Variants in KCNAB2 observed in about 807,000 individuals in gnomAD.
The protein encoded by KCNAB2 is potassium voltage-gated channel subfamily A regulatory beta subunit 2.
Under a neutral mutation model 63.6 loss-of-function variants are expected in KCNAB2, and 29 were observed. The ratio of observed to expected loss-of-function variants is 0.46; its 90% CI spans 0.34 to 0.62. The LOEUF (loss-of-function observed/expected upper bound fraction) is 0.62, where lower values mean the gene tolerates loss of function less well. Ranked by LOEUF, KCNAB2 falls within the 20% of genes least tolerant of loss-of-function variation. The pLI, the probability that KCNAB2 is intolerant of heterozygous loss-of-function variation, is 0.01. For synonymous variants in KCNAB2, 222 were observed against 224.2 expected, an observed-to-expected ratio of 0.99 and a Z score of 0.09; for missense variants, 359 against 563.9, an observed-to-expected ratio of 0.64 and a Z score of 3.68.
At position 6,028,595 on chromosome 1, in the gene KCNAB2, C is replaced by T. The variant is rs971466255; in HGVS notation, c.-52-11922C>T. 1.3e-5 allele frequency among the ~76,000 whole-genome samples: 2 copies of T among 152,212 alleles called. No homozygotes were observed. The highest frequency in any genetic ancestry group is 6.5e-5 in the Admixed American group (1 of 15,286). On this transcript the variant is annotated intron_variant, in intron 1 of 16. Transcript: ENST00000341524. The surrounding 1 kb of genome is among the most constrained non-coding windows in gnomAD (Gnocchi z 4.0). ...CTAGGCATTACCACATGCTGGTGGCCGCTCTGGGTGCGGGGGTACATCCGT... is the reference window on the plus strand; with the variant it reads ...CTAGGCATTACCACATGCTGGTGGCTGCTCTGGGTGCGGGGGTACATCCGT...
chr1:6,095,747 G>T, intron 13 of KCNAB2, 123 bp downstream of exon 13: 1 of 873,898 alleles, frequency 1.1e-6, no homozygotes, highest in Non-Finnish European at 1.8e-6. Flanking sequence ...TTCCCACCTC[G>T]GTCTGCTGGG....
intron 14 of KCNAB2, 43 bp from the exon 15 acceptor site, chr1:6,097,226 T>C (rs1665717623): frequency 1.3e-6 from 2 of 1,506,592 alleles, no homozygotes; most frequent in African/African-American, 1.4e-5. Context: ...CAGGGGCCCC[T>C]GTGGTGGGTG....
intron 2 of KCNAB2, among the ~76,000 whole-genome samples, chr1:6,057,218 T>C (rs1488641225): frequency 1.3e-5 from 2 of 151,720 alleles, no homozygotes; most frequent in East Asian, 3.9e-4. Flanking sequence ...CACTGACCCT[T>C]GGTCATGAAC....
upstream of KCNAB2, among the ~76,000 whole-genome samples, chr1:6,030,222 A>G (rs1659486996): frequency 6.6e-6 from 1 of 152,194 alleles, no homozygotes; most frequent in South Asian, 2.1e-4. Context: ...TTTATCATGC[A>G]CTCATGGAGC....
upstream of KCNAB2, among the ~76,000 whole-genome samples, chr1:6,030,323 TC>T (rs745387950): frequency 6.6e-6 from 1 of 152,138 alleles, no homozygotes; most frequent in African/African-American, 2.4e-5. Context: ...GGCGTGCCTG[TC>T]CCATGATCAT....
rs1354542077 is a variant in KCNAB2 at position 6,078,750 on chromosome 1, A to G, written c.301-3445A>G. Among the ~76,000 whole-genome samples the G allele has an allele frequency of 2.6e-5, 4 of 152,186 alleles. No individual in the cohort carries two copies. Among genetic ancestry groups the G allele is most frequent in the Non-Finnish European group, 4.4e-5 (3 of 68,032 alleles). ...GCTGCTGCACTGGGAATGGCGAGTC[A>G]TGAGGATGTCCCAGAGTTCAGCGTG... is the stretch of plus-strand genomic sequence containing the variant. On this transcript the variant is annotated intron_variant, in intron 4 of 15. Coordinates refer to ENST00000378083, the MANE Select transcript of KCNAB2 (RefSeq NM_001199862.2). This position sits in a 1 kb window ranked among gnomAD's most constrained non-coding sequence, Gnocchi z 4.2.
At chr1:6,089,754 G>T (rs1362716006) in intron 8 of KCNAB2, among the ~76,000 whole-genome samples, 2 of 152,234 alleles carry the variant, frequency 1.3e-5, no homozygotes, top group African/African-American at 4.8e-5. Context: ...CTGGAGTGCA[G>T]CGGCACGATC....
At position 6,072,167 on chromosome 1, in the gene KCNAB2, G is replaced by A. The variant is rs114971034; in HGVS notation, c.219-588G>A. ...AGCTGTGCTTGGTTAGGAGGCCTAC[G>A]CTGCCAGGCTCTGCCGCTGCTGTTG... is the stretch of plus-strand genomic sequence containing the variant. On this transcript the variant is annotated intron_variant, in intron 2 of 15. Coordinates refer to ENST00000378083, the MANE Select transcript of KCNAB2 (RefSeq NM_001199862.2). 8.9e-3 allele frequency among the ~76,000 whole-genome samples: 1,359 copies of A among 152,316 alleles called. 24 individuals carry two copies. The highest frequency in any genetic ancestry group is 0.031 in the African/African-American group (1,297 of 41,572).
chr1:6,087,196 C>T lies in KCNAB2; in HGVS notation c.426-271C>T, dbSNP rs995648987. On this transcript the variant is annotated intron_variant, in intron 6 of 15. Coordinates refer to ENST00000378083, the MANE Select transcript of KCNAB2 (RefSeq NM_001199862.2). This position sits in a 1 kb window ranked among gnomAD's most constrained non-coding sequence, Gnocchi z 6.4. ...GGCGGAAGGCATCTCCTCCGGACTCCGGTCACACTAGGCCCCCCACTGTCC... is the reference window on the plus strand; with the variant it reads ...GGCGGAAGGCATCTCCTCCGGACTCTGGTCACACTAGGCCCCCCACTGTCC... 1.1e-4 allele frequency among the ~76,000 whole-genome samples: 16 copies of T among 152,266 alleles called. No individual in the cohort carries two copies. The highest frequency in any genetic ancestry group is 1.3e-4 in the Admixed American group (2 of 15,300).
chr1:6,082,272 C>G lies in KCNAB2; in HGVS notation c.378C>G (p.Gly126=). 6.2e-7 allele frequency: 1 copy of G among 1,611,078 alleles called. No individual in the cohort carries two copies. The highest frequency in any genetic ancestry group is 8.5e-7 in the Non-Finnish European group (1 of 1,178,118). Residue 126 remains glycine, a splice_region_variant and synonymous_variant, in exon 5 of 16, where the codon GGC becomes GGG. Transcript: ENST00000378083. ...LFDTAEVYAA[G]KAEVVLGNII... is the part of the protein sequence containing the mutation. ...ATACAGCAGAAGTCTACGCAGCCGG[C>G]AAGTACGTGTCTTTTCACACGGGAA...
intron 2 of KCNAB2, among the ~76,000 whole-genome samples, chr1:6,053,301 C>T (rs1205549073): frequency 1.3e-5 from 2 of 152,082 alleles, no homozygotes; most frequent in Non-Finnish European, 2.9e-5. Flanking sequence ...TGCTTGGCAC[C>T]AGGCGCTGAG....
chr1:6,027,233 TGTGTGTGTGTG>T (rs1659256004), intron 1 of KCNAB2: 1 of 16,028 alleles, frequency 6.2e-5, no homozygotes, highest in Non-Finnish European at 1.6e-4. Flanking sequence ...TGTGTGTGTG[TGTGTGTGTGTG>T]TGTGTGTGTG....
At position 6,052,640 on chromosome 1, in the gene KCNAB2, T is replaced by C. The variant is rs534186988; in HGVS notation, c.218+886T>C. ...TCGGACAGCGCTCTGCTAGCCACCG[T>C]TCTCTGGCTGGTGTAAATCCCTCTC... is the stretch of plus-strand genomic sequence containing the variant. On this transcript the variant is annotated intron_variant, in intron 2 of 15. Transcript: ENST00000378083. Among the ~76,000 whole-genome samples the C allele has an allele frequency of 3.9e-5, 6 of 152,270 alleles. No homozygotes were observed. In the East Asian group the frequency reaches 1.2e-3, roughly 29 times the overall value.
chr1:6,076,965 C>T (rs1663720637), intron 4 of KCNAB2, among the ~76,000 whole-genome samples: 1 of 152,098 alleles, frequency 6.6e-6, no homozygotes, highest in African/African-American at 2.4e-5. Context: ...GCGGGTGGAT[C>T]ACAAGGATAG....
chr1:6,033,495 ATG>A (rs891989681), upstream of KCNAB2, among the ~76,000 whole-genome samples: 3 of 152,096 alleles, frequency 2.0e-5, no homozygotes, highest in African/African-American at 4.8e-5. Context: ...ATGCATGTGT[ATG>A]TGTGTACATA....
At chr1:6,064,808 C>T (rs867379527) in intron 2 of KCNAB2, among the ~76,000 whole-genome samples, 5 of 152,328 alleles carry the variant, frequency 3.3e-5, no homozygotes, top group South Asian at 4.1e-4. Flanking sequence ...CCAGGGTCCA[C>T]CTGCAGGGTG....
intron 5 of KCNAB2, among the ~76,000 whole-genome samples, chr1:6,083,427 C>T (rs138143104): frequency 9.4e-4 from 143 of 152,298 alleles, no homozygotes; most frequent in African/African-American, 3.3e-3. Flanking sequence ...CTCTGTCACT[C>T]GCAGTTTCCA....
intron 1 of KCNAB2, among the ~76,000 whole-genome samples, chr1:6,004,665 G>A (rs1657452107): frequency 6.6e-6 from 1 of 150,820 alleles, no homozygotes; most frequent in African/African-American, 2.4e-5. Flanking sequence ...TGGATTTAGG[G>A]CCCATCCTAA....
intron 6 of KCNAB2, chr1:6,085,827 G>C: frequency 1.0e-6 from 1 of 987,956 alleles, no homozygotes; most frequent in African/African-American, 1.7e-5. Context: ...GGGCTATCCT[G>C]AGGGTCAGTG....
Sources: gnomAD v4.1 joint callset for allele counts (sites outside exome capture counted in the v4.1 genomes callset) on GRCh38, gnomAD v4.1.1 for gene constraint, Gnocchi (gnomAD v3.1) non-coding constraint, MANE v1.5 for transcripts, NCBI Gene and HGNC (gene_info 2026-07-23, HGNC 2026-07-21) for gene names.